The following NKAIN2 variants were observed in gnomAD, a reference collection of about 807,000 sequenced individuals.
NKAIN2 encodes sodium/potassium transporting ATPase interacting 2.
In NKAIN2, 14 loss-of-function variants were observed where a neutral mutation model predicts 32.6. The observed-to-expected ratio is 0.43, with a 90% CI of 0.28 to 0.67. NKAIN2 has a LOEUF of 0.67. Ranked by LOEUF, NKAIN2 falls within the 30% of genes least tolerant of loss-of-function variation. NKAIN2 has a pLI of 0.17. For synonymous variants in NKAIN2, 80 were observed against 87.2 expected (o/e 0.92, Z 0.46); for missense variants, 198 against 258.3 (o/e 0.77, Z 1.60).
intron 1 of NKAIN2, among the ~76,000 whole-genome samples, chr6:123,988,468 T>G (rs1779253313): frequency 6.6e-6 from 1 of 152,144 alleles, no homozygotes; most frequent in South Asian, 2.1e-4. Flanking sequence ...GTGCAGTAGT[T>G]TCCGTCAGTT....
intron 3 of NKAIN2, among the ~76,000 whole-genome samples, chr6:124,413,825 T>C (rs1774335149): frequency 6.6e-6 from 1 of 152,206 alleles, no homozygotes; most frequent in Admixed American, 6.5e-5. Context: ...TATTTCCATA[T>C]ATGATTGTGT....
At chr6:124,063,951 A>G (rs1783034766) in intron 1 of NKAIN2, among the ~76,000 whole-genome samples, 1 of 151,174 alleles carries the variant, frequency 6.6e-6, no homozygotes, top group South Asian at 2.1e-4. Flanking sequence ...TATAAAACAT[A>G]TAATTTTTTT....
chr6:124,437,953 A>C (rs1332870700), intron 3 of NKAIN2: 2 of 409,512 alleles, frequency 4.9e-6, no homozygotes, highest in Non-Finnish European at 9.5e-6. Context: ...TTATTTGTAC[A>C]ATTTTAACTG....
intron 1 of NKAIN2, among the ~76,000 whole-genome samples, chr6:124,060,392 A>G (rs1392386391): frequency 1.3e-5 from 2 of 152,172 alleles, no homozygotes; most frequent in Non-Finnish European, 2.9e-5. Flanking sequence ...TTTCTTGTAT[A>G]TACCACGTCC....
At chr6:124,805,508 A>G (rs1258003563) in intron 5 of NKAIN2, among the ~76,000 whole-genome samples, 1 of 152,188 alleles carries the variant, frequency 6.6e-6, no homozygotes, top group Non-Finnish European at 1.5e-5. Flanking sequence ...CCATCATCAA[A>G]GACCAAAAGT....
intron 4 of NKAIN2, among the ~76,000 whole-genome samples, chr6:124,668,421 G>T (rs1376082861): frequency 6.6e-6 from 1 of 151,976 alleles, no homozygotes; most frequent in South Asian, 2.1e-4. Flanking sequence ...CATCAACAAC[G>T]TTATAAATAG....
At chr6:124,820,637 G>C (rs954306730) in intron 6 of NKAIN2, among the ~76,000 whole-genome samples, 1 of 152,158 alleles carries the variant, frequency 6.6e-6, no homozygotes, top group Non-Finnish European at 1.5e-5. Flanking sequence ...GGTCCCCTGG[G>C]CCGTGAATAG....
chr6:124,364,505 A>G lies in NKAIN2; in HGVS notation c.273+9158A>G, dbSNP rs183664957. The stretch of plus-strand genomic sequence containing the variant: ...AAAAATCTAAATCAAAGAGAAGATT[A>G]TAAGAGGTGCCAAAGATAAAAGACC... On this transcript the variant is annotated intron_variant, in intron 3 of 6. Transcript: ENST00000368417. Among the ~76,000 whole-genome samples the G allele has an allele frequency of 3.6e-3, 543 of 152,156 alleles. 3 individuals are homozygous for G. The highest frequency in any genetic ancestry group is 0.013 in the African/African-American group (523 of 41,574).
intron 1 of NKAIN2, among the ~76,000 whole-genome samples, chr6:123,865,456 T>C (rs1775945003): frequency 6.6e-6 from 1 of 152,144 alleles, no homozygotes; most frequent in African/African-American, 2.4e-5. Context: ...TATATGGAAA[T>C]CTTTACCTCT....
At chr6:123,912,092 T>G (rs1775244273) in intron 1 of NKAIN2, among the ~76,000 whole-genome samples, 1 of 151,732 alleles carries the variant, frequency 6.6e-6, no homozygotes, top group African/African-American at 2.4e-5. Flanking sequence ...ATACTTGTCT[T>G]GCTTAGTACA....
intron 1 of NKAIN2, among the ~76,000 whole-genome samples, chr6:124,267,201 T>C: frequency 6.6e-6 from 1 of 152,154 alleles, no homozygotes; most frequent in East Asian, 1.9e-4. Flanking sequence ...GACAAATGGA[T>C]GTACAGGATC....
At chr6:124,583,957 T>C (rs1201641850) in intron 3 of NKAIN2, among the ~76,000 whole-genome samples, 3 of 152,196 alleles carry the variant, frequency 2.0e-5, no homozygotes, top group Non-Finnish European at 4.4e-5. Flanking sequence ...AGAATGAAAC[T>C]AGACCCCTAT....
chr6:124,559,802 G>A (rs1780617194), intron 3 of NKAIN2, among the ~76,000 whole-genome samples: 1 of 140,746 alleles, frequency 7.1e-6, no homozygotes, highest in Non-Finnish European at 1.5e-5. Context: ...GCTAGGCAAT[G>A]ATAGATGTGG....
Position 124,474,786 on chromosome 6 carries a change from C to T in NKAIN2, c.273+119439C>T, listed in dbSNP as rs116537699. ...CCCTGTCTAGAAGATTATCTTACCC[C>T]TGTATATATATATACACACATATTA... On this transcript the variant is annotated intron_variant, in intron 3 of 6. Transcript: ENST00000368417. 8.9e-3 allele frequency among the ~76,000 whole-genome samples: 1,149 copies of T among 128,590 alleles called. 15 individuals are homozygous for T. Among genetic ancestry groups the T allele is most frequent in the African/African-American group, 0.029 (1,100 of 38,428 alleles). The allele number at this position is 128,590 out of a possible 152,430, so 84.4% of individuals were successfully genotyped here. A position where few individuals can be genotyped will look rare whatever the true frequency, so the allele number is the denominator to read the frequency against.
intron 1 of NKAIN2, among the ~76,000 whole-genome samples, chr6:123,942,631 T>A (rs538327607): frequency 3.2e-4 from 48 of 152,110 alleles, no homozygotes; most frequent in African/African-American, 1.1e-3. Context: ...ATGCGAGCAG[T>A]ACTTATTGCT....
intron 3 of NKAIN2, among the ~76,000 whole-genome samples, chr6:124,492,733 T>C (rs78780189): frequency 0.075 from 11,448 of 152,038 alleles, 450 homozygotes; most frequent in East Asian, 0.14. Flanking sequence ...TAAAATAACC[T>C]TATTTAACAA....
chr6:124,795,378 G>C (rs906996347), intron 5 of NKAIN2, among the ~76,000 whole-genome samples: 1 of 152,164 alleles, frequency 6.6e-6, no homozygotes, highest in Non-Finnish European at 1.5e-5. Flanking sequence ...AAGCAATGGA[G>C]AGGGTTTGAG....
intron 1 of NKAIN2, among the ~76,000 whole-genome samples, chr6:123,918,526 A>T (rs191840985): frequency 9.3e-4 from 142 of 152,314 alleles, no homozygotes; most frequent in Middle Eastern, 3.4e-3. Flanking sequence ...GTTGGTGGCT[A>T]CTGTGTTGGT....
intron 1 of NKAIN2, among the ~76,000 whole-genome samples, chr6:123,857,036 A>G (rs900176653): frequency 6.6e-6 from 1 of 152,092 alleles, no homozygotes; most frequent in African/African-American, 2.4e-5. Context: ...TATTCCTCAT[A>G]GTTGAAGTAT....
Sources: gnomAD v4.1 joint callset for allele counts (sites outside exome capture counted in the v4.1 genomes callset) on GRCh38, gnomAD v4.1.1 for gene constraint, MANE v1.5 for transcripts, NCBI Gene and HGNC (gene_info 2026-07-23, HGNC 2026-07-21) for gene names.